Variants in ANO3 observed in about 807,000 individuals in gnomAD.
ANO3 encodes anoctamin 3.
A neutral mutation model predicts 144.8 loss-of-function variants in ANO3; 99 were observed. The observed-to-expected ratio is 0.68, with a 90% CI of 0.58 to 0.81. The LOEUF is 0.81. Among genes scored for constraint, ANO3 ranks in the 30% least tolerant of loss-of-function variants. ANO3 has a pLI of 0.00. For synonymous variants in ANO3, 414 were observed against 392.6 expected (o/e 1.05, Z -0.64); for missense variants, 905 against 1,202.2 (o/e 0.75, Z 3.66).
intron 3 of ANO3, among the ~76,000 whole-genome samples, chr11:26,460,627 T>C (rs963036965): frequency 6.6e-5 from 10 of 152,034 alleles, no homozygotes; most frequent in African/African-American, 1.2e-4. Flanking sequence ...ATGTTCAAAA[T>C]TGATTTAGCT....
At chr11:26,249,718 CTT>C (rs1852883131) in intron 1 of ANO3, among the ~76,000 whole-genome samples, 1 of 151,758 alleles carries the variant, frequency 6.6e-6, no homozygotes, top group Non-Finnish European at 1.5e-5. Flanking sequence ...CTAATTGCCT[CTT>C]ATTAAAAATT....
intron 1 of ANO3, among the ~76,000 whole-genome samples, chr11:26,424,147 C>T (rs987210526): frequency 6.7e-6 from 1 of 149,366 alleles, no homozygotes; most frequent in Non-Finnish European, 1.5e-5. Context: ...CTTTCTCTCA[C>T]TTACTACACT....
rs58078292 is a variant in ANO3 at position 26,385,903 on chromosome 11, T to TATATATATATA, written c.46+53582_46+53583insATATATATATA. ...AAGTTCTTTGTGTGTGTATATATAT[T>TATATATATATA]TATATACATATTTACATGTATAAGC... On this transcript the variant is annotated intron_variant, in intron 1 of 26. Coordinates refer to ENST00000256737, the MANE Select transcript of ANO3 (RefSeq NM_031418.4). 3.9e-3 allele frequency among the ~76,000 whole-genome samples: 579 copies of TATATATATATA among 148,848 alleles called. 6 individuals carry two copies. Among genetic ancestry groups the TATATATATATA allele is most frequent in the African/African-American group, 0.014 (538 of 39,586 alleles).
intron 17 of ANO3, 21 bp downstream of exon 17, chr11:26,599,735 T>C: frequency 6.2e-7 from 1 of 1,601,452 alleles, no homozygotes; most frequent in Non-Finnish European, 8.5e-7. Context: ...ATAATGTTAT[T>C]CTTCAGTAGA....
chr11:26,637,345 C>T (rs1385891337), intron 20 of ANO3, among the ~76,000 whole-genome samples: 1 of 152,066 alleles, frequency 6.6e-6, no homozygotes, highest in Non-Finnish European at 1.5e-5. Flanking sequence ...TGTGTTAAAC[C>T]CACACTTCAA....
In ANO3 at chr11:26,643,121, A is replaced by G. The variant is rs553134216; in HGVS notation, c.2276-61A>G. The stretch of plus-strand genomic sequence containing the variant: ...AAAGCATTAAAAGCAATTTATATAA[A>G]GCACCAAATTTGTCACAAAGGAAGT... On this transcript the variant is annotated intron_variant, in intron 22 of 26. Coordinates refer to ENST00000256737, the MANE Select transcript of ANO3 (RefSeq NM_031418.4). 63 of 1,521,272 alleles carry G rather than the reference A, an allele frequency of 4.1e-5. No homozygotes were observed. In the African/African-American group the frequency reaches 8.5e-4, roughly 21 times the overall value. The allele number at this position is 1,521,272 out of a possible 1,614,324, so 94.2% of individuals were successfully genotyped here.
At chr11:26,623,922 G>C (rs529408667) in intron 17 of ANO3, among the ~76,000 whole-genome samples, 1 of 152,170 alleles carries the variant, frequency 6.6e-6, no homozygotes, top group South Asian at 2.1e-4. Context: ...GAGTAGCTGG[G>C]ACTACAGGCG....
At chr11:26,592,613 T>C (rs1851486161) in intron 14 of ANO3, among the ~76,000 whole-genome samples, 2 of 147,500 alleles carry the variant, frequency 1.4e-5, no homozygotes, top group African/African-American at 2.5e-5. Context: ...TCCTGGGTAA[T>C]GGCCTGTTCT....
At chr11:26,338,271 C>T (rs1001459537) in intron 1 of ANO3, among the ~76,000 whole-genome samples, 1 of 152,138 alleles carries the variant, frequency 6.6e-6, no homozygotes, top group Admixed American at 6.6e-5. Context: ...CCAGTCAGCA[C>T]TCTGTAAAAA....
intron 1 of ANO3, among the ~76,000 whole-genome samples, chr11:26,234,141 G>T (rs931306968): frequency 6.6e-6 from 1 of 152,068 alleles, no homozygotes; most frequent in African/African-American, 2.4e-5. Context: ...CGTTTGTTTT[G>T]GTCTTTACAG....
intron 9 of ANO3, among the ~76,000 whole-genome samples, chr11:26,535,472 TAA>T (rs777539471): frequency 6.9e-6 from 1 of 145,644 alleles, no homozygotes; most frequent in Non-Finnish European, 1.5e-5. Flanking sequence ...GCCTTGAAAA[TAA>T]AAAGTTGACA....
At chr11:26,600,325 CGTCTTCT>C (rs1432271882) in intron 17 of ANO3, among the ~76,000 whole-genome samples, 15 of 81,910 alleles carry the variant, frequency 1.8e-4, no homozygotes, top group South Asian at 7.7e-4. Flanking sequence ...TCTCCCCTCC[CGTCTTCT>C]CTCCCCTCTC....
At chr11:26,227,792 G>A (rs1222142261) in intron 1 of ANO3, among the ~76,000 whole-genome samples, 2 of 152,052 alleles carry the variant, frequency 1.3e-5, no homozygotes, top group African/African-American at 4.8e-5. Flanking sequence ...ATTTCCAGTT[G>A]TGTGTGACCA....
intron 1 of ANO3, among the ~76,000 whole-genome samples, chr11:26,199,067 A>T (rs747662827): frequency 4.6e-5 from 7 of 152,070 alleles, no homozygotes; most frequent in African/African-American, 7.2e-5. Context: ...AGTAGCCTTG[A>T]TAGTTATCTT....
chr11:26,533,662 A>G (rs541957956), intron 8 of ANO3, among the ~76,000 whole-genome samples: 33 of 152,342 alleles, frequency 2.2e-4, no homozygotes, highest in African/African-American at 7.9e-4. Flanking sequence ...TGTTCTACTC[A>G]TAATCTAGGC....
chr11:26,411,325 A>C (rs1433336528), intron 1 of ANO3, among the ~76,000 whole-genome samples: 2 of 151,986 alleles, frequency 1.3e-5, no homozygotes, highest in Non-Finnish European at 2.9e-5. Context: ...ATTATAACAA[A>C]ATTGTTAAGA....
exon 1 of ANO3, chr11:26,309,719 G>A (rs1854464196): frequency 1.0e-6 from 1 of 985,006 alleles, no homozygotes; most frequent in African/African-American, 1.7e-5. Flanking sequence ...ATATAATGAA[G>A]GTGAGTCTTG....
chr11:26,505,842 G>A (rs1861406493), intron 4 of ANO3, among the ~76,000 whole-genome samples: 1 of 151,334 alleles, frequency 6.6e-6, no homozygotes, highest in African/African-American at 2.4e-5. Flanking sequence ...TAGTAGCTGG[G>A]CGTGGTGGCG....
chr11:26,522,509 C>A (rs1157714473), intron 6 of ANO3, among the ~76,000 whole-genome samples: 1 of 152,026 alleles, frequency 6.6e-6, no homozygotes. Flanking sequence ...GCAGCCTTGA[C>A]ACAAGGTATA....
Sources: allele counts gnomAD v4.1 joint callset (sites outside exome capture counted in the v4.1 genomes callset), GRCh38; gene constraint gnomAD v4.1.1; transcripts MANE v1.5; gene names NCBI Gene and HGNC (gene_info 2026-07-23, HGNC 2026-07-21).